Variants in NRG1 observed in about 807,000 individuals in gnomAD.
NRG1 encodes the protein neuregulin 1.
In NRG1, 18 loss-of-function variants were observed where a neutral mutation model predicts 63.8. The ratio of observed to expected loss-of-function variants is 0.28; its 90% CI spans 0.19 to 0.42. NRG1 has a LOEUF of 0.42. Among genes scored for constraint, NRG1 ranks in the 10% least tolerant of loss-of-function variants. The probability of loss-of-function intolerance (pLI) is 1.00; values close to 1 mark genes in which losing one functional copy is unlikely to be tolerated. For synonymous variants in NRG1, 302 were observed against 301.3 expected (o/e 1.00, Z -0.02); for missense variants, 762 against 814.7 (o/e 0.94, Z 0.79).
chr8:31,740,587 A>G (rs1038618072), intron 1 of NRG1, among the ~76,000 whole-genome samples: 4 of 151,992 alleles, frequency 2.6e-5, no homozygotes, highest in Non-Finnish European at 5.9e-5. Context: ...AAAAATTGCC[A>G]AGCTTGACAG....
At chr8:32,371,145 G>T (rs1393513118) in intron 1 of NRG1, among the ~76,000 whole-genome samples, 3 of 152,160 alleles carry the variant, frequency 2.0e-5, no homozygotes, top group African/African-American at 7.2e-5. Context: ...CCGGGAGGCA[G>T]AATTTGCAGC....
intron 6 of NRG1, among the ~76,000 whole-genome samples, chr8:32,729,021 T>C (rs189851584): frequency 4.3e-3 from 651 of 152,148 alleles, no homozygotes; most frequent in Admixed American, 8.7e-3. Context: ...TGAGCCGAGA[T>C]TGCACCACTG....
At chr8:32,041,737 G>T (rs144463205) in intron 1 of NRG1, among the ~76,000 whole-genome samples, 1 of 152,182 alleles carries the variant, frequency 6.6e-6, no homozygotes, top group Admixed American at 6.5e-5. Flanking sequence ...GCATGTAACA[G>T]AGAAGAAGGA....
chr8:32,206,707 T>C (rs1246122907), intron 1 of NRG1, among the ~76,000 whole-genome samples: 1 of 152,198 alleles, frequency 6.6e-6, no homozygotes, highest in East Asian at 1.9e-4. Context: ...TGTGTAATGG[T>C]GAAGTCTCGG....
chr8:31,692,321 G>T (rs1025748660), intron 1 of NRG1, among the ~76,000 whole-genome samples: 5 of 152,164 alleles, frequency 3.3e-5, no homozygotes, highest in Admixed American at 3.3e-4. Flanking sequence ...TTAATAATTT[G>T]TAGAACTTTC....
At chr8:32,558,570 G>C (rs912628804) in intron 1 of NRG1, among the ~76,000 whole-genome samples, 1 of 152,178 alleles carries the variant, frequency 6.6e-6, no homozygotes, top group Non-Finnish European at 1.5e-5. Context: ...CTGTGTGTTT[G>C]GGAGAGCCGC....
At chr8:32,275,768 C>T (rs16879088) in intron 1 of NRG1, among the ~76,000 whole-genome samples, 13,130 of 151,958 alleles carry the variant, frequency 0.086, 639 homozygotes, top group African/African-American at 0.12. Flanking sequence ...AGAAGATCTG[C>T]GGCAGGCCCA....
At chr8:31,751,330 T>C (rs953085528) in intron 1 of NRG1, among the ~76,000 whole-genome samples, 4 of 151,950 alleles carry the variant, frequency 2.6e-5, no homozygotes, top group African/African-American at 9.7e-5. Context: ...TAAATGGCCC[T>C]TGGGCTAGTA....
chr8:31,646,356 G>A (rs1804284398), intron 1 of NRG1, among the ~76,000 whole-genome samples: 1 of 152,208 alleles, frequency 6.6e-6, no homozygotes, highest in Admixed American at 6.5e-5. Flanking sequence ...TTGCTCTGCT[G>A]TGCTAGAATA....
exon 12 of NRG1, chr8:32,767,651 T>C (rs1222852347): frequency 6.6e-6 from 1 of 152,224 alleles, no homozygotes; most frequent in African/African-American, 2.4e-5. Flanking sequence ...TATTTAAGCA[T>C]CTAACATATA....
chr8:32,424,878 AAAC>A (rs1394560833), intron 1 of NRG1, among the ~76,000 whole-genome samples: 3 of 152,142 alleles, frequency 2.0e-5, no homozygotes, highest in African/African-American at 7.2e-5. Flanking sequence ...AGAACAAAAC[AAAC>A]AACAAACAAA....
At chr8:32,241,336 T>C (rs1056846502) in intron 1 of NRG1, among the ~76,000 whole-genome samples, 3 of 152,228 alleles carry the variant, frequency 2.0e-5, no homozygotes, top group African/African-American at 7.2e-5. Flanking sequence ...GAATTCTCTA[T>C]ATTTACAACT....
chr8:32,716,083 G>T (rs1819146128), intron 5 of NRG1, among the ~76,000 whole-genome samples: 1 of 152,158 alleles, frequency 6.6e-6, no homozygotes, highest in Admixed American at 6.6e-5. Flanking sequence ...TCCCTTGGTG[G>T]GATTCAGAAG....
intron 5 of NRG1, among the ~76,000 whole-genome samples, chr8:32,679,404 A>G (rs1344725277): frequency 6.6e-6 from 1 of 152,144 alleles, no homozygotes; most frequent in African/African-American, 2.4e-5. Context: ...GAAAATCATG[A>G]TAATAGAAGT....
intron 1 of NRG1, among the ~76,000 whole-genome samples, chr8:31,750,553 C>T (rs747760635): frequency 1.3e-4 from 20 of 151,794 alleles, no homozygotes; most frequent in Non-Finnish European, 1.5e-4. Context: ...TAACAGTGGA[C>T]GTAATCAGTA....
chr8:31,831,229 G>A (rs569358291), intron 1 of NRG1, among the ~76,000 whole-genome samples: 8 of 151,812 alleles, frequency 5.3e-5, no homozygotes, highest in South Asian at 2.1e-4. Context: ...ACCCTCCTGA[G>A]CAGCTGGTAT....
At chr8:32,519,407 G>A (rs1423714671) in intron 1 of NRG1, among the ~76,000 whole-genome samples, 2 of 149,038 alleles carry the variant, frequency 1.3e-5, no homozygotes, top group African/African-American at 4.9e-5. Context: ...TAAGCTAAAT[G>A]TAGTACGTAT....
intron 1 of NRG1, among the ~76,000 whole-genome samples, chr8:32,011,305 G>A (rs1360593203): frequency 1.3e-5 from 2 of 152,024 alleles, no homozygotes; most frequent in African/African-American, 2.4e-5. Context: ...AGCCAATTTA[G>A]CAAGCCCAAG....
chr8:32,433,912 A>G lies in NRG1; in HGVS notation c.38-161916A>G, dbSNP rs143143605. Among the ~76,000 whole-genome samples, 55 of 152,134 alleles carry G rather than the reference A, an allele frequency of 3.6e-4. 1 individual carries two copies. The East Asian group carries it at 9.3e-3, about 26-fold the overall frequency. On this transcript the variant is annotated intron_variant, in intron 1 of 10. Transcript: ENST00000519301. ...GTTTTCAGAATATACCTCACAGTAA[A>G]ACTTAGACTTCACACCTGTAATCCC...
Sources: gnomAD v4.1 joint callset for allele counts (sites outside exome capture counted in the v4.1 genomes callset) on GRCh38, gnomAD v4.1.1 for gene constraint, MANE v1.5 for transcripts, NCBI Gene and HGNC (gene_info 2026-07-23, HGNC 2026-07-21) for gene names.